The following TNR variants were observed in gnomAD, a reference collection of about 807,000 sequenced individuals.
The protein encoded by TNR is tenascin R.
TNR carries 45 observed loss-of-function variants against 150.4 expected under a neutral mutation model. The observed-to-expected ratio is 0.30, with a 90% CI of 0.24 to 0.38. The LOEUF is 0.38. Among genes scored for constraint, TNR ranks in the 10% least tolerant of loss-of-function variants. TNR has a pLI of 1.00. For synonymous variants in TNR, 687 were observed against 678.4 expected (o/e 1.01, Z -0.20); for missense variants, 1,544 against 1,759.1 (o/e 0.88, Z 2.19).
chr1:175,366,512 G>A (rs1435341542), intron 10 of TNR, among the ~76,000 whole-genome samples: 1 of 152,242 alleles, frequency 6.6e-6, no homozygotes, highest in Non-Finnish European at 1.5e-5. Context: ...CCTGGCAACA[G>A]AAGCGCACCA....
intron 1 of TNR, among the ~76,000 whole-genome samples, chr1:175,617,942 T>C (rs1443370412): frequency 6.6e-6 from 1 of 152,190 alleles, no homozygotes; most frequent in Non-Finnish European, 1.5e-5. Context: ...ATGCGGCCAG[T>C]AAATAAAAGC....
Position 175,365,000 on chromosome 1 carries a change from C to T in TNR, c.2587+10G>A, listed in dbSNP as rs1235937353. On this transcript the variant is annotated intron_variant, in intron 12 of 22. Transcript: ENST00000367674. ...CTTTCATCACCTGCTGCCAAGTCCT[C>T]CAGCCTCACCTGTGGTGATGGAGCC... The T allele has an allele frequency of 6.9e-6, 11 of 1,593,422 alleles. No individual in the cohort carries two copies. Among genetic ancestry groups the T allele is most frequent in the African/African-American group, 1.3e-5 (1 of 74,460 alleles).
rs557591920 is a variant in TNR, at chr1:175,523,844, C to T, written c.-64+4425G>A. 2.6e-5 allele frequency among the ~76,000 whole-genome samples: 4 copies of T among 152,224 alleles called. No individual in the cohort carries two copies. In the South Asian group the frequency reaches 8.3e-4, roughly 32 times the overall value. On this transcript the variant is annotated intron_variant, in intron 2 of 22. Coordinates refer to ENST00000367674, the MANE Select transcript of TNR (RefSeq NM_003285.3). Reference sequence around the variant, plus strand: ...AAAGGGTTAAAGTTTCTCAGGATCTCCACTCAAAGTCTAAATGTCTGTCAT... The same window carrying T: ...AAAGGGTTAAAGTTTCTCAGGATCTTCACTCAAAGTCTAAATGTCTGTCAT...
chr1:175,556,363 T>G (rs373878522), intron 1 of TNR, among the ~76,000 whole-genome samples: 1 of 152,266 alleles, frequency 6.6e-6, no homozygotes, highest in African/African-American at 2.4e-5. Context: ...CGTAAAGGAC[T>G]GGTATACTGC....
chr1:175,354,279 C>G, intron 18 of TNR, 112 bp downstream of exon 18: 2 of 1,398,028 alleles, frequency 1.4e-6, no homozygotes, highest in South Asian at 1.4e-5. Context: ...AAGGAGGAGG[C>G]AACTGAGCTT....
chr1:175,603,100 G>A (rs557660114), intron 1 of TNR, among the ~76,000 whole-genome samples: 33 of 152,302 alleles, frequency 2.2e-4, no homozygotes, highest in Admixed American at 1.1e-3. Context: ...GTCAGTAAAC[G>A]TGTGTTGTCT....
chr1:175,707,151 T>C (rs16848992), intron 1 of TNR, among the ~76,000 whole-genome samples: 2 of 152,164 alleles, frequency 1.3e-5, no homozygotes, highest in Admixed American at 1.3e-4. Context: ...ATTTCAAAAA[T>C]AGACATATGC....
At chr1:175,538,969 G>C (rs1660396820) in intron 1 of TNR, 1 of 152,242 alleles carries the variant, frequency 6.6e-6, no homozygotes, top group Non-Finnish European at 1.5e-5. Flanking sequence ...CCTCATGGGG[G>C]AAGAGAAAAC....
At position 175,315,624 on chromosome 1, in the gene TNR, T is replaced by C. The variant is rs1231902000; in HGVS notation, c.*7733A>G. The C allele has an allele frequency of 1.3e-5, 2 of 152,192 alleles. No individual in the cohort carries two copies. The highest frequency in any genetic ancestry group is 3.8e-4 in the East Asian group (2 of 5,196). 9.4% of individuals were successfully genotyped at this position (152,192 alleles called of 1,614,324 possible). ...TGTTTATGATTTCTCAGAACAACAATCTAGAGACCACCAGGGTGGGTTTCA... is the reference window on the plus strand; with the variant it reads ...TGTTTATGATTTCTCAGAACAACAACCTAGAGACCACCAGGGTGGGTTTCA... On this transcript the variant is annotated 3_prime_UTR_variant, in exon 23 of 23. Coordinates refer to ENST00000367674, the MANE Select transcript of TNR (RefSeq NM_003285.3).
intron 9 of TNR, among the ~76,000 whole-genome samples, chr1:175,378,362 A>T (rs763223811): frequency 8.5e-5 from 13 of 152,186 alleles, no homozygotes; most frequent in Non-Finnish European, 1.6e-4. Flanking sequence ...AGATTCAATG[A>T]TGAGCAAAAC....
At chr1:175,394,344 G>C (rs1290511641) in intron 5 of TNR, among the ~76,000 whole-genome samples, 2 of 152,190 alleles carry the variant, frequency 1.3e-5, no homozygotes, top group African/African-American at 4.8e-5. Flanking sequence ...CACAGGAAAA[G>C]AGAGGCACAG....
chr1:175,457,755 C>T (rs774546904), intron 2 of TNR, among the ~76,000 whole-genome samples: 6 of 152,176 alleles, frequency 3.9e-5, no homozygotes, highest in Non-Finnish European at 7.3e-5. Context: ...ATATTACATT[C>T]AATAGCTATA....
intron 2 of TNR, among the ~76,000 whole-genome samples, chr1:175,453,714 G>A (rs1656429526): frequency 6.6e-6 from 1 of 151,996 alleles, no homozygotes; most frequent in South Asian, 2.1e-4. Context: ...TGGGACTACA[G>A]GCATGCACCA....
intron 1 of TNR, among the ~76,000 whole-genome samples, chr1:175,581,424 G>A (rs987572122): frequency 1.3e-5 from 2 of 152,124 alleles, no homozygotes; most frequent in Non-Finnish European, 2.9e-5. Flanking sequence ...TTCTATCTTC[G>A]GCAGCCATGA....
At chr1:175,377,963 A>G (rs1436840406) in intron 9 of TNR, among the ~76,000 whole-genome samples, 1 of 152,102 alleles carries the variant, frequency 6.6e-6, no homozygotes, top group East Asian at 1.9e-4. Flanking sequence ...GGTGAGCCAG[A>G]GGCCCCAGGA....
intron 15 of TNR, among the ~76,000 whole-genome samples, chr1:175,357,899 A>G (rs1651405650): frequency 6.6e-6 from 1 of 152,174 alleles, no homozygotes; most frequent in Non-Finnish European, 1.5e-5. Flanking sequence ...TAGGGCATCA[A>G]AAGTATTTGT....
At chr1:175,741,521 G>A (rs1571810093) in intron 1 of TNR, among the ~76,000 whole-genome samples, 1 of 152,298 alleles carries the variant, frequency 6.6e-6, no homozygotes, top group East Asian at 1.9e-4. Context: ...AGGAGGTTTG[G>A]AATGTTAAAA....
chr1:175,400,495 G>C (rs1482227645), intron 4 of TNR, among the ~76,000 whole-genome samples: 3 of 152,158 alleles, frequency 2.0e-5, no homozygotes, highest in Non-Finnish European at 1.5e-5. Context: ...AATGGAGGCA[G>C]AAGTCTTGAG....
intron 18 of TNR, among the ~76,000 whole-genome samples, chr1:175,349,702 G>A (rs772722939): frequency 7.9e-5 from 12 of 152,188 alleles, no homozygotes; most frequent in Non-Finnish European, 1.8e-4. Flanking sequence ...ATTGACATGG[G>A]TGGTATGTGA....
Sources: gnomAD v4.1 joint callset for allele counts (sites outside exome capture counted in the v4.1 genomes callset) on GRCh38, gnomAD v4.1.1 for gene constraint, MANE v1.5 for transcripts, NCBI Gene and HGNC (gene_info 2026-07-23, HGNC 2026-07-21) for gene names.